TTF2: variants seen among roughly 807,000 people sequenced by gnomAD.
TTF2 encodes the protein RNA polymerase II termination factor.
A neutral mutation model predicts 142.4 loss-of-function variants in TTF2; 108 were observed. That is an observed-to-expected ratio of 0.76 (90% CI 0.65 to 0.89). The LOEUF is 0.89. Ranked by LOEUF, TTF2 falls within the 40% of genes least tolerant of loss-of-function variation. The probability of loss-of-function intolerance (pLI) is 0.00; values close to 1 mark genes in which losing one functional copy is unlikely to be tolerated. For synonymous variants in TTF2, 483 were observed against 506.2 expected (o/e 0.95, Z 0.61); for missense variants, 1,327 against 1,379.8 (o/e 0.96, Z 0.61).
Position 117,092,949 on chromosome 1 carries a change from A to G in TTF2, c.2976+48A>G. 6.2e-7 allele frequency: 1 copy of G among 1,602,028 alleles called. No homozygotes were observed. The highest frequency in any genetic ancestry group is 8.5e-7 in the Non-Finnish European group (1 of 1,172,270). ...TAGTCGAGAGACTTCGATTCCTCACACATTTTCCTGTGTGACAGCACTTCA... is the reference window on the plus strand; with the variant it reads ...TAGTCGAGAGACTTCGATTCCTCACGCATTTTCCTGTGTGACAGCACTTCA... On this transcript the variant is annotated intron_variant, in intron 18 of 22. Transcript: ENST00000369466. The surrounding 1 kb of genome is among the most constrained non-coding windows in gnomAD (Gnocchi z 4.4).
rs189609332 is a variant in TTF2, at chr1:117,077,918, C to A, written c.1576C>A (p.His526Asn). 6.2e-5 allele frequency: 100 copies of A among 1,614,022 alleles called. No individual in the cohort carries two copies. The Admixed American group carries it at 1.6e-3, about 27-fold the overall frequency. The change falls in exon 8 of 23, where the codon CAT (histidine) becomes AAT (asparagine). Residue 526 changes from histidine to asparagine, a missense_variant and splice_region_variant. By Grantham distance (68) the His-to-Asn change is moderately conservative. Transcript: ENST00000369466. ...AGGTAACACCTATTTGTATGCAGGC[C>A]ATACAAACCAAGATCACGTTCATGC... The part of the protein sequence containing the change: ...AGGSSQCYRG[H>N]TNQDHVHAVW...
Position 117,091,324 on chromosome 1 carries a change from G to T in TTF2, c.2589-4G>T. Reference sequence around the variant, plus strand: ...GCATTTTTTTTCTTTTTAATCTGAGGCAGGTCAGCTCTGCAATCCTATCTA... The same window carrying T: ...GCATTTTTTTTCTTTTTAATCTGAGTCAGGTCAGCTCTGCAATCCTATCTA... On this transcript the variant is annotated splice_region_variant and splice_polypyrimidine_tract_variant and intron_variant, in intron 15 of 22. Transcript: ENST00000369466. The T allele has an allele frequency of 6.2e-7, 1 of 1,607,446 alleles. No homozygotes were observed. The highest frequency in any genetic ancestry group is 8.5e-7 in the Non-Finnish European group (1 of 1,178,552).
At position 117,079,237 on chromosome 1, in the gene TTF2, C is replaced by CA. The variant is rs948262319; in HGVS notation, c.1702-324dup. ...CCTGGGCAACAGAGCGAGGCTGTCT[C>CA]AAAAAAATAAAAATAAAAAAATAAA... On this transcript the variant is annotated intron_variant, in intron 8 of 22. Coordinates refer to ENST00000369466, the MANE Select transcript of TTF2 (RefSeq NM_003594.4). This position sits in a 1 kb window ranked among gnomAD's most constrained non-coding sequence, Gnocchi z 4.2. 1.3e-5 allele frequency among the ~76,000 whole-genome samples: 2 copies of CA among 151,400 alleles called. No individual in the cohort carries two copies. Among genetic ancestry groups the CA allele is most frequent in the East Asian group, 1.9e-4 (1 of 5,176 alleles).
rs1352915449 is a variant in TTF2 at position 117,060,437 on chromosome 1, A to T, written c.29-18A>T. ...ATTTAGCGTGGCGTAATCGTTGTTC[A>T]CTTTCTTCTCTCTTCAGGGACTTTC... On this transcript the variant is annotated intron_variant, in intron 1 of 22. Coordinates refer to ENST00000369466, the MANE Select transcript of TTF2 (RefSeq NM_003594.4). 3.7e-6 allele frequency: 6 copies of T among 1,611,456 alleles called. No homozygotes were observed. In the African/African-American group the frequency reaches 6.7e-5, roughly 18 times the overall value.
Position 117,099,235 on chromosome 1 carries a change from A to G in TTF2, c.3344+328A>G, listed in dbSNP as rs1231572014. Among the ~76,000 whole-genome samples, 1 of 152,174 alleles carries G rather than the reference A, an allele frequency of 6.6e-6. No homozygotes were observed. Among genetic ancestry groups the G allele is most frequent in the Non-Finnish European group, 1.5e-5 (1 of 68,028 alleles). On this transcript the variant is annotated intron_variant, in intron 22 of 22. Transcript: ENST00000369466. The surrounding 1 kb of genome is among the most constrained non-coding windows in gnomAD (Gnocchi z 4.3). ...CAGAAAACGTACAAGAATAGTACCA[A>G]AAAGTTCCCATATATTATGGTGTGC...
Position 117,107,073 on chromosome 1 carries a change from A to C in TTF2, c.*5549A>C, listed in dbSNP as rs980114932. 6.6e-6 allele frequency: 1 copy of C among 152,180 alleles called. No individual in the cohort carries two copies. The highest frequency in any genetic ancestry group is 2.4e-5 in the African/African-American group (1 of 41,444). 9.4% of individuals were successfully genotyped at this position (152,180 alleles called of 1,614,324 possible). ...TGACGCTTCAATGCTCACAATTCAAAGGTGATTTCTGAAGCACTTTGTTAC... is the reference window on the plus strand; with the variant it reads ...TGACGCTTCAATGCTCACAATTCAACGGTGATTTCTGAAGCACTTTGTTAC... On this transcript the variant is annotated 3_prime_UTR_variant, in exon 23 of 23. Transcript: ENST00000369466.
At position 117,097,278 on chromosome 1, in the gene TTF2, GACTT is replaced by G. The variant is rs1244424253; in HGVS notation, c.3187-71_3187-68del. The G allele has an allele frequency of 9.1e-6, 12 of 1,311,506 alleles. No individual in the cohort carries two copies. The highest frequency in any genetic ancestry group is 1.3e-5 in the Non-Finnish European group (12 of 904,882). 81.2% of individuals were successfully genotyped at this position (1,311,506 alleles called of 1,614,324 possible). ...ACAGTGCTTATCTGTATTGATTGTG[GACTT>G]AAACCTGAGACCGAGATGTGTTACG... is the stretch of plus-strand genomic sequence containing the variant. On this transcript the variant is annotated intron_variant, in intron 20 of 22. Coordinates refer to ENST00000369466, the MANE Select transcript of TTF2 (RefSeq NM_003594.4). The surrounding 1 kb of genome is among the most constrained non-coding windows in gnomAD (Gnocchi z 4.1).
chr1:117,100,816 ATAT>A lies in TTF2; in HGVS notation c.3345-559_3345-557del. On this transcript the variant is annotated intron_variant, in intron 22 of 22. Coordinates refer to ENST00000369466, the MANE Select transcript of TTF2 (RefSeq NM_003594.4). The surrounding 1 kb of genome is among the most constrained non-coding windows in gnomAD (Gnocchi z 4.6). ...CTTCCATTATAGCACTTACCAGGTC[ATAT>A]TATTGTTTATTTTCATGTTTGTCTC... Among the ~76,000 whole-genome samples the A allele has an allele frequency of 6.6e-6, 1 of 152,260 alleles. No individual in the cohort carries two copies. The highest frequency in any genetic ancestry group is 2.1e-4 in the South Asian group (1 of 4,814).
chr1:117,089,603 C>T (rs1352637557), intron 13 of TTF2, among the ~76,000 whole-genome samples: 2 of 152,010 alleles, frequency 1.3e-5, no homozygotes, highest in Non-Finnish European at 2.9e-5. Flanking sequence ...GCAGGAGGAT[C>T]GCTTGAGCCC....
intron 20 of TTF2, 24 bp downstream of exon 20, chr1:117,096,323 C>T (rs765278333): frequency 4.0e-5 from 65 of 1,611,178 alleles, no homozygotes; most frequent in African/African-American, 2.4e-4. Flanking sequence ...ACATCAGAGC[C>T]GCATAATTAA....
intron 10 of TTF2, among the ~76,000 whole-genome samples, chr1:117,083,111 A>T (rs971495931): frequency 2.0e-5 from 3 of 152,014 alleles, no homozygotes; most frequent in African/African-American, 7.2e-5. Context: ...GCATGGTGGC[A>T]GGCGCCTGTA....
intron 3 of TTF2, among the ~76,000 whole-genome samples, chr1:117,064,672 TG>T (rs1655944540): frequency 6.6e-6 from 1 of 151,944 alleles, no homozygotes; most frequent in Non-Finnish European, 1.5e-5. Context: ...GGACTACAGG[TG>T]TGCACCAATA....
At position 117,085,948 on chromosome 1, in the gene TTF2, T is replaced by C. The variant is rs1647959136; in HGVS notation, c.2055-469T>C. Among the ~76,000 whole-genome samples the C allele has an allele frequency of 6.6e-6, 1 of 152,166 alleles. No individual in the cohort carries two copies. The highest frequency in any genetic ancestry group is 1.5e-5 in the Non-Finnish European group (1 of 68,018). Reference sequence around the variant, plus strand: ...TAGAGTGGTGGGAGGAAAGCACCATTGATACAAGGTGAACAGTGTTTTGAA... The same window carrying C: ...TAGAGTGGTGGGAGGAAAGCACCATCGATACAAGGTGAACAGTGTTTTGAA... On this transcript the variant is annotated intron_variant, in intron 11 of 22. Transcript: ENST00000369466. The surrounding 1 kb of genome is among the most constrained non-coding windows in gnomAD (Gnocchi z 4.7).
chr1:117,089,256 T>C (rs1296525026), intron 13 of TTF2, among the ~76,000 whole-genome samples: 1 of 61,036 alleles, frequency 1.6e-5, no homozygotes, highest in African/African-American at 4.6e-5. Context: ...TATGCAAATA[T>C]ATGCTATATA....
At chr1:117,081,733 A>G in intron 9 of TTF2, 95 bp from the exon 10 acceptor site, 1 of 1,469,028 alleles carries the variant, frequency 6.8e-7, no homozygotes, top group Non-Finnish European at 9.2e-7. Context: ...ACAGAGAACA[A>G]TGGGGAAATG....
At position 117,101,860 on chromosome 1, in the gene TTF2, G is replaced by C. The variant is rs1649609780; in HGVS notation, c.*336G>C. 1.2e-5 allele frequency: 2 copies of C among 172,742 alleles called. No individual in the cohort carries two copies. The highest frequency in any genetic ancestry group is 4.7e-5 in the African/African-American group (2 of 42,230). The allele number at this position is 172,742 out of a possible 1,614,324, so 10.7% of individuals were successfully genotyped here. On this transcript the variant is annotated 3_prime_UTR_variant, in exon 23 of 23. Coordinates refer to ENST00000369466, the MANE Select transcript of TTF2 (RefSeq NM_003594.4). The surrounding 1 kb of genome is among the most constrained non-coding windows in gnomAD (Gnocchi z 5.9). ...AAGCTTCAGTAAAGTTCAAAAAGCG[G>C]GCCAGGTGTGGTGGCTCATGCCTGT...
Position 117,105,800 on chromosome 1 carries a change from G to A in TTF2, c.*4276G>A, listed in dbSNP as rs570682119. 8.7e-4 allele frequency: 133 copies of A among 152,258 alleles called. No individual in the cohort carries two copies. The highest frequency in any genetic ancestry group is 3.0e-3 in the African/African-American group (124 of 41,542). 9.4% of individuals were successfully genotyped at this position (152,258 alleles called of 1,614,324 possible). ...GAAAAACAGAAAAAAAAAATTTTCT[G>A]TTTATGGGAGGTGACTTATTTCTCT... On this transcript the variant is annotated 3_prime_UTR_variant, in exon 23 of 23. Transcript: ENST00000369466. The surrounding 1 kb of genome is among the most constrained non-coding windows in gnomAD (Gnocchi z 4.7).
chr1:117,064,524 G>A (rs1182900336), intron 3 of TTF2, among the ~76,000 whole-genome samples: 1 of 151,852 alleles, frequency 6.6e-6, no homozygotes, highest in Admixed American at 6.6e-5. Context: ...TTGTTTGTTT[G>A]TTTGTTTTTG....
chr1:117,095,520 TTG>T (rs1649041568), intron 19 of TTF2, among the ~76,000 whole-genome samples, 153 bp downstream of exon 19: 1 of 152,160 alleles, frequency 6.6e-6, no homozygotes, highest in Non-Finnish European at 1.5e-5. Context: ...ATTAAAATAT[TTG>T]TGGTACAAAT....
Sources: gnomAD v4.1 joint callset for allele counts (sites outside exome capture counted in the v4.1 genomes callset) on GRCh38, gnomAD v4.1.1 for gene constraint, Gnocchi (gnomAD v3.1) non-coding constraint, MANE v1.5 for transcripts, NCBI Gene and HGNC (gene_info 2026-07-23, HGNC 2026-07-21) for gene names.